SUB1: variants seen among roughly 807,000 people sequenced by gnomAD.
The protein encoded by SUB1 is SUB1 regulator of transcription, also known as activated RNA polymerase II transcriptional coactivator p15.
In SUB1, 1 loss-of-function variant was observed where a neutral mutation model predicts 16.9. The ratio of observed to expected loss-of-function variants is 0.06; its 90% confidence interval spans 0.02 to 0.28. The LOEUF is 0.28. Ranked by LOEUF, SUB1 falls within the 10% of genes least tolerant of loss-of-function variation. The pLI is 1.00. For missense variants in SUB1, 84 were observed against 145.2 expected, an observed-to-expected ratio of 0.58 and a Z score of 2.16; for synonymous variants, 51 against 46.9, an observed-to-expected ratio of 1.09 and a Z score of -0.36.
In SUB1 at chr5:32,602,704, C is replaced by G. The variant is rs1312676855; in HGVS notation, c.*1620C>G. ...TATTTAGCAGTAACCTTATGAGGTTCAAATTGGTAAATCTCTTGTAATTTA... is the reference window on the plus strand; with the variant it reads ...TATTTAGCAGTAACCTTATGAGGTTGAAATTGGTAAATCTCTTGTAATTTA... On this transcript the variant is annotated 3_prime_UTR_variant, in exon 5 of 5. Transcript: ENST00000265073. 1 of 154,850 alleles carries G rather than the reference C, an allele frequency of 6.5e-6. No homozygotes were observed. Among genetic ancestry groups the G allele is most frequent in the Non-Finnish European group, 1.4e-5 (1 of 69,822 alleles). The allele number at this position is 154,850 out of a possible 1,614,324, so 9.6% of individuals were successfully genotyped here.
At chr5:32,599,588 A>G (rs1267864030) in intron 4 of SUB1, among the ~76,000 whole-genome samples, 3 of 152,304 alleles carry the variant, frequency 2.0e-5, no homozygotes, top group East Asian at 1.9e-4. Context: ...CTAAATTTGT[A>G]TATTTGGATT....
At chr5:32,593,470 AAGAT>A (rs942757909) in intron 3 of SUB1, among the ~76,000 whole-genome samples, 93 of 152,296 alleles carry the variant, frequency 6.1e-4, no homozygotes, top group African/African-American at 1.9e-3. Flanking sequence ...CTAGGTAAAA[AAGAT>A]AGACAAAGTG....
chr5:32,602,628 C>T lies in SUB1; in HGVS notation c.*1544C>T, dbSNP rs1475614310. On this transcript the variant is annotated 3_prime_UTR_variant, in exon 5 of 5. Coordinates refer to ENST00000265073, the MANE Select transcript of SUB1 (RefSeq NM_006713.4). ...CATAGTTATCAATTTTTTTTTCTAT[C>T]AGCTATTCTGTTGTATTTCTAAAAC... 1.2e-5 allele frequency: 2 copies of T among 161,156 alleles called. No homozygotes were observed. The highest frequency in any genetic ancestry group is 3.6e-4 in the East Asian group (2 of 5,522). The allele number at this position is 161,156 out of a possible 1,614,324, so 10.0% of individuals were successfully genotyped here. A position where few individuals can be genotyped will look rare whatever the true frequency, so the allele number is the denominator to read the frequency against.
At chr5:32,599,955 A>T (rs916200565) in intron 4 of SUB1, among the ~76,000 whole-genome samples, 1 of 152,246 alleles carries the variant, frequency 6.6e-6, no homozygotes, top group Non-Finnish European at 1.5e-5. Flanking sequence ...AGAAAATATA[A>T]AATTTCTGTT....
At chr5:32,596,122 A>G (rs1451957007) in intron 3 of SUB1, 1 of 152,180 alleles carries the variant, frequency 6.6e-6, no homozygotes, top group Non-Finnish European at 1.5e-5. Context: ...CAGAGAGGAA[A>G]ATATGAAACC....
intron 2 of SUB1, among the ~76,000 whole-genome samples, chr5:32,589,641 G>A (rs1197744565): frequency 6.6e-6 from 1 of 152,172 alleles, no homozygotes; most frequent in South Asian, 2.1e-4. Flanking sequence ...GCATAACTGA[G>A]CGTCTCACTC....
At position 32,603,100 on chromosome 5, in the gene SUB1, C is replaced by G. The variant is rs961143416; in HGVS notation, c.*2016C>G. 6.6e-6 allele frequency: 1 copy of G among 152,008 alleles called. No individual in the cohort carries two copies. Among genetic ancestry groups the G allele is most frequent in the African/African-American group, 2.4e-5 (1 of 41,396 alleles). The allele number at this position is 152,008 out of a possible 1,614,324, so 9.4% of individuals were successfully genotyped here. A position where few individuals can be genotyped will look rare whatever the true frequency, so the allele number is the denominator to read the frequency against. Reference sequence around the variant, plus strand: ...ATTACCTACATGTTTTCTAGTTGTTCAGCATTATGTTAATGAAGCCTCCAT... The same window carrying G: ...ATTACCTACATGTTTTCTAGTTGTTGAGCATTATGTTAATGAAGCCTCCAT... On this transcript the variant is annotated 3_prime_UTR_variant, in exon 5 of 5. Coordinates refer to ENST00000265073, the MANE Select transcript of SUB1 (RefSeq NM_006713.4).
At chr5:32,588,654 A>T in intron 2 of SUB1, 70 bp downstream of exon 2, 4 of 1,468,646 alleles carry the variant, frequency 2.7e-6, no homozygotes, top group South Asian at 1.2e-5. Context: ...TCTGAAGGAT[A>T]GTAAAAGGTG....
chr5:32,589,097 T>G (rs1305183571), intron 2 of SUB1, among the ~76,000 whole-genome samples: 1 of 152,088 alleles, frequency 6.6e-6, no homozygotes, highest in Non-Finnish European at 1.5e-5. Flanking sequence ...AATGTTAATT[T>G]TTTTTTTTAA....
Position 32,602,306 on chromosome 5 carries a change from G to A in SUB1, c.*1222G>A, listed in dbSNP as rs1252616870. The A allele has an allele frequency of 6.8e-6, 3 of 438,992 alleles. No individual in the cohort carries two copies. Among genetic ancestry groups the A allele is most frequent in the Admixed American group, 2.6e-5 (1 of 38,750 alleles). 27.2% of individuals were successfully genotyped at this position (438,992 alleles called of 1,614,324 possible). A position where few individuals can be genotyped will look rare whatever the true frequency, so the allele number is the denominator to read the frequency against. ...AATTATAACTGAAATTAAAGGAGGC[G>A]GCAGTGAAGAGGAAATAATTCTCTT... On this transcript the variant is annotated 3_prime_UTR_variant, in exon 5 of 5. Transcript: ENST00000265073.
rs1739149730 is a variant in SUB1 at position 32,602,876 on chromosome 5, A to G, written c.*1792A>G. On this transcript the variant is annotated 3_prime_UTR_variant, in exon 5 of 5. Coordinates refer to ENST00000265073, the MANE Select transcript of SUB1 (RefSeq NM_006713.4). Reference sequence around the variant, plus strand: ...TAACTTCCCTCCTTTTTTGGGGAACATGTTTGTGTCCTATTAACTTAATTG... The same window carrying G: ...TAACTTCCCTCCTTTTTTGGGGAACGTGTTTGTGTCCTATTAACTTAATTG... 6.6e-6 allele frequency: 1 copy of G among 152,022 alleles called. No homozygotes were observed. The highest frequency in any genetic ancestry group is 1.5e-5 in the Non-Finnish European group (1 of 67,952). The allele number at this position is 152,022 out of a possible 1,614,324, so 9.4% of individuals were successfully genotyped here. A position where few individuals can be genotyped will look rare whatever the true frequency, so the allele number is the denominator to read the frequency against.
intron 3 of SUB1, chr5:32,594,436 G>A: frequency 3.3e-6 from 1 of 301,846 alleles, no homozygotes; most frequent in South Asian, 2.7e-5. Flanking sequence ...TACTGCTTTA[G>A]TTTATTTGAT....
Position 32,588,538 on chromosome 5 carries a change from C to G in SUB1, c.26C>G (p.Ser9Cys). The G allele has an allele frequency of 6.2e-7, 1 of 1,612,852 alleles. No individual in the cohort carries two copies. Among genetic ancestry groups the G allele is most frequent in the South Asian group, 1.1e-5 (1 of 90,978 alleles). Residue 9 changes from serine to cysteine, a missense_variant, in exon 2 of 5, where the codon TCT (serine) becomes TGT (cysteine). Transcript: ENST00000265073. MPKSKELV[S>C]SSSSGSDSDS... The stretch of plus-strand genomic sequence containing the variant: ...ATGCCTAAATCAAAGGAACTTGTTT[C>G]TTCAAGCTCTTCTGGCAGTGATTCT...
In SUB1 at chr5:32,591,677, ATGTT is replaced by A. The variant is rs1212275431; in HGVS notation, c.189_192del (p.Met63IlefsTer6). ...GAGCAGCAGCAGCAGAGATGATAAC[ATGTT>A]TCAGGTAAAGTTGGCTATTTTTTTT... On this transcript the variant is annotated frameshift_variant, in exon 3 of 5. Transcript: ENST00000265073. LOFTEE classifies it high-confidence loss of function. 1 of 1,562,910 alleles carries A rather than the reference ATGTT, an allele frequency of 6.4e-7. No individual in the cohort carries two copies. Among genetic ancestry groups the A allele is most frequent in the East Asian group, 2.3e-5 (1 of 43,572 alleles).
intron 3 of SUB1, chr5:32,598,279 G>A (rs1453163230): frequency 6.6e-6 from 1 of 152,150 alleles, no homozygotes; most frequent in African/African-American, 2.4e-5. Context: ...AGCATCACTA[G>A]GGGCACTTTG....
At chr5:32,587,403 G>A (rs528566488) in intron 1 of SUB1, among the ~76,000 whole-genome samples, 1 of 152,260 alleles carries the variant, frequency 6.6e-6, no homozygotes, top group African/African-American at 2.4e-5. Context: ...CAGGCACTCA[G>A]TAAACACCCA....
At chr5:32,597,439 TTTTG>T (rs1422808418) in intron 3 of SUB1, 1 of 152,194 alleles carries the variant, frequency 6.6e-6, no homozygotes, top group Non-Finnish European at 1.5e-5. Flanking sequence ...CCCTCTCCCA[TTTTG>T]TTTATCAGTT....
In SUB1 at chr5:32,588,617, T is replaced by C. The variant is rs749147813; in HGVS notation, c.72+33T>C. ...CTGCTGCACCAAGTCATTTTGGTGATACTCAACAATATTGTCCATATCCCA... is the reference window on the plus strand; with the variant it reads ...CTGCTGCACCAAGTCATTTTGGTGACACTCAACAATATTGTCCATATCCCA... On this transcript the variant is annotated intron_variant, in intron 2 of 4. Coordinates refer to ENST00000265073, the MANE Select transcript of SUB1 (RefSeq NM_006713.4). 3 of 1,590,048 alleles carry C rather than the reference T, an allele frequency of 1.9e-6. No homozygotes were observed. In the African/African-American group the frequency reaches 4.0e-5, roughly 21 times the overall value.
rs1371944944 is a variant in SUB1 at position 32,601,006 on chromosome 5, T to C, written c.306T>C (p.Gly102=). 6.2e-7 allele frequency: 1 copy of C among 1,612,118 alleles called. No individual in the cohort carries two copies. The highest frequency in any genetic ancestry group is 8.5e-7 in the Non-Finnish European group (1 of 1,178,954). Residue 102 remains glycine (G), a splice_region_variant and synonymous_variant, in exon 5 of 5, where the codon GGT becomes GGC. Coordinates refer to ENST00000265073, the MANE Select transcript of SUB1 (RefSeq NM_006713.4). ...TTGAATTTTTAAACTTTGTTTTAGG[T>C]ATTTCTTTAAATCCAGAACAATGGA... The part of the protein sequence containing the change: ...PEGEMKPGRK[G]ISLNPEQWSQ...
Sources: gnomAD v4.1 joint callset for allele counts (sites outside exome capture counted in the v4.1 genomes callset) on GRCh38, gnomAD v4.1.1 for gene constraint, MANE v1.5 for transcripts, NCBI Gene and HGNC (gene_info 2026-07-23, HGNC 2026-07-21) for gene names.